The following IGSF9 variants were observed in gnomAD, a reference collection of about 807,000 sequenced individuals.
The protein encoded by IGSF9 is immunoglobulin superfamily member 9.
IGSF9 carries 87 observed loss-of-function variants against 121.7 expected under a neutral mutation model. The ratio of observed to expected loss-of-function variants is 0.71; its 90% CI spans 0.60 to 0.85. IGSF9 has a LOEUF of 0.85. IGSF9 is among the 40% of genes least tolerant of loss of function. IGSF9 has a pLI of 0.00. For synonymous variants in IGSF9, 640 were observed against 648.4 expected (o/e 0.99, Z 0.20); for missense variants, 1,462 against 1,565.3 (o/e 0.93, Z 1.11).
chr1:159,942,844 A>C, intron 3 of IGSF9, 119 bp downstream of exon 3: 1 of 763,914 alleles, frequency 1.3e-6, no homozygotes, highest in Non-Finnish European at 2.2e-6. Flanking sequence ...TTAAGGCAGC[A>C]GAGCTGGAGA....
intron 3 of IGSF9, among the ~76,000 whole-genome samples, chr1:159,940,011 G>T (rs1272389044): frequency 1.3e-5 from 2 of 152,182 alleles, no homozygotes; most frequent in Non-Finnish European, 2.9e-5. Flanking sequence ...CTACAAAGAA[G>T]GAAGAAGAGG....
At position 159,931,865 on chromosome 1, in the gene IGSF9, G is replaced by A. The variant is rs1651011769; in HGVS notation, c.1309C>T (p.Leu437Phe). Residue 437 changes from leucine (L) to phenylalanine (F), a missense_variant, in exon 11 of 21, where the codon CTC becomes TTC. Coordinates refer to ENST00000368094, the MANE Select transcript of IGSF9 (RefSeq NM_001135050.2). The surrounding 1 kb of genome is among the most constrained non-coding windows in gnomAD (Gnocchi z 4.8). ...TCCCCTTGGGCGGAGCAGGGGATGA[G>A]CAGCTCCCGCCCTACTTCTTGGAAA... ...EYFQEVGREL[L>F]IPCSAQGDPP... The A allele has an allele frequency of 1.3e-6, 2 of 1,597,346 alleles. No individual in the cohort carries two copies. The highest frequency in any genetic ancestry group is 1.7e-6 in the Non-Finnish European group (2 of 1,174,542).
At position 159,943,488 on chromosome 1, in the gene IGSF9, T is replaced by C; in HGVS notation, c.-34A>G. The C allele has an allele frequency of 6.6e-7, 1 of 1,516,450 alleles. No homozygotes were observed. The highest frequency in any genetic ancestry group is 8.8e-7 in the Non-Finnish European group (1 of 1,132,456). The allele number at this position is 1,516,450 out of a possible 1,614,324, so 93.9% of individuals were successfully genotyped here. A position where few individuals can be genotyped will look rare whatever the true frequency, so the allele number is the denominator to read the frequency against. On this transcript the variant is annotated 5_prime_UTR_variant, in exon 2 of 21. Transcript: ENST00000368094. ...TGGCCTGCTCACCCAGCCCCTCCTA[T>C]CCACAGGAGCCCAGATGGAGGGGCC...
intron 3 of IGSF9, among the ~76,000 whole-genome samples, chr1:159,942,226 G>A (rs1301328854): frequency 2.0e-5 from 3 of 152,236 alleles, no homozygotes. Context: ...CAGAGCCATT[G>A]TAGCCATTCT....
chr1:159,933,672 G>C (rs1214000956), intron 9 of IGSF9: 1 of 166,272 alleles, frequency 6.0e-6, no homozygotes, highest in African/African-American at 2.4e-5. Context: ...TCCTCTTTGA[G>C]GCCCATCACC....
chr1:159,929,292 A>G, intron 18 of IGSF9, 59 bp downstream of exon 18: 1 of 1,572,332 alleles, frequency 6.4e-7, no homozygotes, highest in Non-Finnish European at 8.8e-7. Flanking sequence ...AAGGAAGCAG[A>G]AGATACTGGC....
rs757073302 is a variant in IGSF9 at position 159,931,278 on chromosome 1, G to A, written c.1514-17C>T. 20 of 1,613,922 alleles carry A rather than the reference G, an allele frequency of 1.2e-5. No individual in the cohort carries two copies. The highest frequency in any genetic ancestry group is 2.2e-5 in the South Asian group (2 of 91,072). ...GGCTAGTGCCTAGGCAGGGGGGAAT[G>A]GAGGGATGGTGGTCAGGGCCTGAGG... On this transcript the variant is annotated splice_polypyrimidine_tract_variant and intron_variant, in intron 12 of 20. Coordinates refer to ENST00000368094, the MANE Select transcript of IGSF9 (RefSeq NM_001135050.2). This position sits in a 1 kb window ranked among gnomAD's most constrained non-coding sequence, Gnocchi z 4.8.
chr1:159,934,570 G>T lies in IGSF9; in HGVS notation c.816C>A (p.Ser272Arg). 5 of 1,613,736 alleles carry T rather than the reference G, an allele frequency of 3.1e-6. No homozygotes were observed. The highest frequency in any genetic ancestry group is 4.2e-6 in the Non-Finnish European group (5 of 1,179,756). ...GGATCCGCACCCGGGGCTGCAGGCGGCTGCAATGTGGCATGTGTGAGGAGG... is the reference window on the plus strand; with the variant it reads ...GGATCCGCACCCGGGGCTGCAGGCGTCTGCAATGTGGCATGTGTGAGGAGG... The part of the protein sequence containing the change: ...FQDNINVFHI[S>R]RLQPRVRILV... Residue 272 changes from serine to arginine, a missense_variant and splice_region_variant, in exon 8 of 21, where the codon AGC (serine) becomes AGA (arginine). Physicochemically the swap from Ser to Arg is moderately radical, Grantham distance 110 (BLOSUM62 -1). Coordinates refer to ENST00000368094, the MANE Select transcript of IGSF9 (RefSeq NM_001135050.2).
In IGSF9 at chr1:159,929,807, C is replaced by T. The variant is rs1165003625; in HGVS notation, c.2157G>A (p.Glu719=). 1 of 1,604,958 alleles carries T rather than the reference C, an allele frequency of 6.2e-7. No individual in the cohort carries two copies. Among genetic ancestry groups the T allele is most frequent in the East Asian group, 2.3e-5 (1 of 44,412 alleles). Reference sequence around the variant, plus strand: ...GCAGCTGCGTGCGCGAAGGGTAGACCTCCAGACCTAGGCAGGGGTCCACGA... The same window carrying T: ...GCAGCTGCGTGCGCGAAGGGTAGACTTCCAGACCTAGGCAGGGGTCCACGA... ...NTANVSTSGL[E]VYPSRTQLPG... The change falls in exon 17 of 21, where the codon GAG becomes GAA. Residue 719 remains glutamate, a synonymous_variant. Transcript: ENST00000368094.
chr1:159,938,152 G>A (rs1183648470), intron 3 of IGSF9, among the ~76,000 whole-genome samples: 14 of 152,132 alleles, frequency 9.2e-5, no homozygotes, highest in Admixed American at 9.2e-4. Context: ...AGGAAGTGAA[G>A]AGCCAGCATG....
chr1:159,931,975 G>T lies in IGSF9; in HGVS notation c.1246-47C>A. 8.3e-7 allele frequency: 1 copy of T among 1,200,314 alleles called. No homozygotes were observed. Among genetic ancestry groups the T allele is most frequent in the Non-Finnish European group, 1.2e-6 (1 of 832,544 alleles). The allele number at this position is 1,200,314 out of a possible 1,614,324, so 74.4% of individuals were successfully genotyped here. On this transcript the variant is annotated intron_variant, in intron 10 of 20. Coordinates refer to ENST00000368094, the MANE Select transcript of IGSF9 (RefSeq NM_001135050.2). The surrounding 1 kb of genome is among the most constrained non-coding windows in gnomAD (Gnocchi z 4.8). Reference sequence around the variant, plus strand: ...GGGAGGGGCCCTCTCTTACATCTAAGGCTGGCTACTCCCTCTCTCTGTGCT... The same window carrying T: ...GGGAGGGGCCCTCTCTTACATCTAATGCTGGCTACTCCCTCTCTCTGTGCT...
chr1:159,930,056 G>T, intron 15 of IGSF9, 81 bp from the exon 16 acceptor site: 1 of 1,556,928 alleles, frequency 6.4e-7, no homozygotes, highest in South Asian at 1.2e-5. Context: ...GACCGTGCAC[G>T]TGGGACGGAA....
Position 159,929,336 on chromosome 1 carries a change from G to T in IGSF9, c.2369+15C>A. The T allele has an allele frequency of 6.2e-7, 1 of 1,613,466 alleles. No individual in the cohort carries two copies. The highest frequency in any genetic ancestry group is 8.5e-7 in the Non-Finnish European group (1 of 1,179,346). On this transcript the variant is annotated intron_variant, in intron 18 of 20. Coordinates refer to ENST00000368094, the MANE Select transcript of IGSF9 (RefSeq NM_001135050.2). ...TGGAAAGGCAGAAGAAAGCCAAGGA[G>T]GTGGAGGCACTTACGGTGCAGCTGA...
rs376059608 is a variant in IGSF9 at position 159,931,873 on chromosome 1, C to T, written c.1301G>A (p.Arg434Gln). The T allele has an allele frequency of 4.3e-5, 69 of 1,597,758 alleles. No homozygotes were observed. The highest frequency in any genetic ancestry group is 4.9e-5 in the Non-Finnish European group (58 of 1,174,888). The change falls in exon 11 of 21, where the codon CGG (arginine) becomes CAG (glutamine). Residue 434 changes from arginine (R) to glutamine (Q), a missense_variant. This residue lies in a region of IGSF9 where 558 missense variants were observed against 599.4 expected (regional missense o/e 0.93). Coordinates refer to ENST00000368094, the MANE Select transcript of IGSF9 (RefSeq NM_001135050.2). The surrounding 1 kb of genome is among the most constrained non-coding windows in gnomAD (Gnocchi z 4.8). ...PKEEYFQEVG[R>Q]ELLIPCSAQG... ...GGCGGAGCAGGGGATGAGCAGCTCC[C>T]GCCCTACTTCTTGGAAATATTCTTC...
chr1:159,929,597 C>A (rs1436169456), intron 17 of IGSF9, 41 bp downstream of exon 17: 1 of 1,568,916 alleles, frequency 6.4e-7, no homozygotes, highest in African/African-American at 1.3e-5. Flanking sequence ...GGAGGCTAGG[C>A]CCAAGTGCGC....
intron 9 of IGSF9, 33 bp downstream of exon 9, chr1:159,934,157 T>G (rs1258519391): frequency 1.3e-6 from 2 of 1,593,066 alleles, no homozygotes; most frequent in Non-Finnish European, 1.7e-6. Flanking sequence ...AACGCCAAGC[T>G]AAGACCCTCC....
intron 9 of IGSF9, 110 bp downstream of exon 9, chr1:159,934,080 A>G: frequency 8.1e-7 from 1 of 1,239,346 alleles, no homozygotes; most frequent in Non-Finnish European, 1.1e-6. Context: ...TTCACAAAAG[A>G]TGTGTGTCCC....
chr1:159,943,530 A>T lies in IGSF9; in HGVS notation c.-76T>A. 2.9e-6 allele frequency: 4 copies of T among 1,385,396 alleles called. No individual in the cohort carries two copies. Among genetic ancestry groups the T allele is most frequent in the Non-Finnish European group, 3.9e-6 (4 of 1,035,266 alleles). 85.8% of individuals were successfully genotyped at this position (1,385,396 alleles called of 1,614,324 possible). ...GGAGGGGCCAAGGGATGTCCTTCTG[A>T]TCAGCTCAGGGAACAGGTTTCAGCT... On this transcript the variant is annotated 5_prime_UTR_variant, in exon 2 of 21. Coordinates refer to ENST00000368094, the MANE Select transcript of IGSF9 (RefSeq NM_001135050.2).
chr1:159,942,747 T>A (rs914481537), intron 3 of IGSF9, among the ~76,000 whole-genome samples: 25 of 63,506 alleles, frequency 3.9e-4, no homozygotes, highest in Non-Finnish European at 6.9e-4. Context: ...AGTGTGAGTG[T>A]GTGTGTGTGT....
Sources: allele counts gnomAD v4.1 joint callset (sites outside exome capture counted in the v4.1 genomes callset), GRCh38; gene constraint gnomAD v4.1.1; regional missense constraint gnomAD v4.1.1; non-coding constraint Gnocchi (gnomAD v3.1); transcripts MANE v1.5; gene names NCBI Gene and HGNC (gene_info 2026-07-23, HGNC 2026-07-21).